The following USP42 variants were observed in gnomAD, a reference collection of about 807,000 sequenced individuals.
USP42 encodes the protein ubiquitin carboxyl-terminal hydrolase 42.
Under a neutral mutation model 113.0 loss-of-function variants are expected in USP42, and 23 were observed. That is an observed-to-expected ratio of 0.20 (90% CI 0.15 to 0.29). The LOEUF is 0.29. USP42 is among the 10% of genes least tolerant of loss of function. The pLI, the probability that USP42 is intolerant of heterozygous loss-of-function variation, is 1.00. For missense variants in USP42, 2,174 were observed against 1,779.8 expected (o/e 1.22, Z -3.99); for synonymous variants, 933 against 699.0 (o/e 1.33, Z -5.28).
At chr7:6,092,286 A>T in the USP42 span, among the ~76,000 whole-genome samples, 1 of 142,252 alleles carries the variant, frequency 7.0e-6, no homozygotes, top group Non-Finnish European at 1.5e-5. Context: ...CAAGTGATTC[A>T]CCTGCCTCAG....
intron 1 of USP42, among the ~76,000 whole-genome samples, chr7:6,105,285 C>T (rs1404151795): frequency 6.8e-6 from 1 of 146,674 alleles, no homozygotes; most frequent in Non-Finnish European, 1.5e-5. Flanking sequence ...GGGCGGGCAC[C>T]GGGGTAGCCG....
chr7:6,086,593 A>AC, the USP42 span, among the ~76,000 whole-genome samples: 1 of 149,268 alleles, frequency 6.7e-6, no homozygotes. Context: ...CAGGTGATCC[A>AC]CCCCCCTCAA....
chr7:6,097,488 C>T, the USP42 span, among the ~76,000 whole-genome samples: 2 of 149,470 alleles, frequency 1.3e-5, no homozygotes, highest in Non-Finnish European at 2.9e-5. Flanking sequence ...CTCACCGCAG[C>T]CTCCAATTCC....
intron 1 of USP42, among the ~76,000 whole-genome samples, chr7:6,108,146 C>T (rs1779394415): frequency 6.6e-6 from 1 of 152,148 alleles, no homozygotes. Context: ...GTGACAGCGC[C>T]ATTGCATTCC....
upstream of USP42, among the ~76,000 whole-genome samples, chr7:6,101,924 C>CAAA (rs113530488): frequency 2.2e-5 from 3 of 134,306 alleles, no homozygotes; most frequent in African/African-American, 8.5e-5. Context: ...ACTAAAACTA[C>CAAA]AAAAAAAAAA....
rs769016432 is a variant in USP42, at chr7:6,150,316, A to C, written c.2106+14A>C. 66 of 1,611,842 alleles carry C rather than the reference A, an allele frequency of 4.1e-5. No homozygotes were observed. Among genetic ancestry groups the C allele is most frequent in the Non-Finnish European group, 5.5e-5 (65 of 1,178,702 alleles). On this transcript the variant is annotated intron_variant, in intron 13 of 17. Transcript: ENST00000306177. ...CTTCCTGGAAAGGTGAGTGCACGTC[A>C]GGGTCTTCAGCCTCGTTTGTGGCGG...
Position 6,153,811 on chromosome 7 carries a change from G to T in USP42, c.2257G>T (p.Gly753Cys), listed in dbSNP as rs760268924. The change falls in exon 15 of 18, where the codon GGC becomes TGC. Residue 753 changes from glycine (G) to cysteine (C), a missense_variant. Physicochemically the swap from Gly to Cys is radical, Grantham distance 159. Transcript: ENST00000306177. Reference protein sequence around the residue: ...PEDRDAEPQPGSPAAESLEEP... With the variant: ...PEDRDAEPQPCSPAAESLEEP... ...GGACCGCGACGCCGAGCCTCAGCCT[G>T]GCAGCCCCGCCGCCGAATCCCTGGA... 3.9e-6 allele frequency: 6 copies of T among 1,526,212 alleles called. No homozygotes were observed. The highest frequency in any genetic ancestry group is 2.3e-4 in the Middle Eastern group (1 of 4,390). The allele number at this position is 1,526,212 out of a possible 1,614,324, so 94.5% of individuals were successfully genotyped here.
chr7:6,134,310 CT>C (rs1781011738), intron 3 of USP42, among the ~76,000 whole-genome samples: 4 of 152,034 alleles, frequency 2.6e-5, no homozygotes, highest in African/African-American at 9.7e-5. Flanking sequence ...ATTTCTGGGT[CT>C]TTTTCTGTTT....
chr7:6,112,069 A>C (rs1242097353), intron 2 of USP42: 1 of 152,296 alleles, frequency 6.6e-6, no homozygotes, highest in Non-Finnish European at 1.5e-5. Flanking sequence ...GTCTTTTGAC[A>C]AATGAGCTTT....
Position 6,154,479 on chromosome 7 carries a change from C to A in USP42, c.2925C>A (p.Gly975=), listed in dbSNP as rs1357445612. ...PARESRSKTE[G]HRHRRRRTCP... is the part of the protein sequence containing the mutation. ...GAGAGAGCAGGAGCAAGACTGAGGG[C>A]CACCGTCACCGGCGGCGCCGCACCT... Residue 975 remains glycine (G), a synonymous_variant, in exon 15 of 18, where the codon GGC becomes GGA. Transcript: ENST00000306177. 1 of 1,552,668 alleles carries A rather than the reference C, an allele frequency of 6.4e-7. No homozygotes were observed.
chr7:6,111,739 A>G lies in USP42; in HGVS notation c.241+365A>G, dbSNP rs112302781. Reference sequence around the variant, plus strand: ...TGCCTCAGCCTCCAGAGTAGCTGGGACTACAGGCGCCTGCCACCAAGCCCG... The same window carrying G: ...TGCCTCAGCCTCCAGAGTAGCTGGGGCTACAGGCGCCTGCCACCAAGCCCG... On this transcript the variant is annotated intron_variant, in intron 2 of 17. Coordinates refer to ENST00000306177, the MANE Select transcript of USP42 (RefSeq NM_032172.3). 676 of 162,894 alleles carry G rather than the reference A, an allele frequency of 4.1e-3. 2 individuals are homozygous for G. The highest frequency in any genetic ancestry group is 9.3e-3 in the Middle Eastern group (3 of 324). The allele number at this position is 162,894 out of a possible 1,614,324, so 10.1% of individuals were successfully genotyped here.
At chr7:6,142,383 A>AT (rs1781481022) in intron 7 of USP42, among the ~76,000 whole-genome samples, 2 of 151,762 alleles carry the variant, frequency 1.3e-5, no homozygotes, top group Admixed American at 1.3e-4. Flanking sequence ...TGCCCTGCTA[A>AT]TTTTTTGTAT....
chr7:6,153,714 A>T (rs1183918787), intron 14 of USP42, 42 bp from the exon 15 acceptor site: 1 of 1,426,738 alleles, frequency 7.0e-7, no homozygotes, highest in East Asian at 2.7e-5. Context: ...GAGCCTGTCA[A>T]GCCCACGCTA....
upstream of USP42, among the ~76,000 whole-genome samples, chr7:6,101,938 A>T (rs1790138946): frequency 6.7e-6 from 1 of 149,340 alleles, no homozygotes; most frequent in Non-Finnish European, 1.5e-5. Flanking sequence ...AAAAAAAAAA[A>T]TTAGCCGGGT....
intron 3 of USP42, among the ~76,000 whole-genome samples, chr7:6,135,311 T>C (rs964832260): frequency 2.6e-5 from 4 of 152,142 alleles, no homozygotes; most frequent in Admixed American, 6.6e-5. Flanking sequence ...TTTTCCTTTC[T>C]TGTGAAAGAG....
intron 3 of USP42, among the ~76,000 whole-genome samples, chr7:6,128,931 C>G (rs1187351515): frequency 6.6e-6 from 1 of 152,154 alleles, no homozygotes; most frequent in African/African-American, 2.4e-5. Flanking sequence ...AATGATCCTC[C>G]TGCCTCAGCC....
intron 3 of USP42, chr7:6,128,271 T>C (rs953156235): frequency 1.3e-5 from 2 of 151,256 alleles, no homozygotes; most frequent in African/African-American, 4.9e-5. Flanking sequence ...TTTTTTTTTT[T>C]TTCCTCCTTG....
At chr7:6,130,301 G>A (rs1780782545) in intron 3 of USP42, among the ~76,000 whole-genome samples, 1 of 152,232 alleles carries the variant, frequency 6.6e-6, no homozygotes, top group African/African-American at 2.4e-5. Context: ...CACCCCAGGT[G>A]GGAATTGGGG....
chr7:6,135,570 G>A (rs937494832), intron 3 of USP42, among the ~76,000 whole-genome samples: 11 of 147,588 alleles, frequency 7.5e-5, no homozygotes, highest in Non-Finnish European at 1.3e-4. Context: ...CAAATGGCTT[G>A]GACCCGGGGA....
Sources: allele counts gnomAD v4.1 joint callset (sites outside exome capture counted in the v4.1 genomes callset), GRCh38; gene constraint gnomAD v4.1.1; transcripts MANE v1.5; gene names NCBI Gene and HGNC (gene_info 2026-07-23, HGNC 2026-07-21).